CTNND1: variants seen among roughly 807,000 people sequenced by gnomAD.
CTNND1 encodes the protein catenin delta 1.
In CTNND1, 16 loss-of-function variants were observed where a neutral mutation model predicts 112.1. The observed-to-expected ratio is 0.14, with a 90% CI of 0.10 to 0.22. The LOEUF is 0.22. CTNND1 is among the 10% of genes least tolerant of loss of function. The probability of loss-of-function intolerance (pLI) is 1.00; values close to 1 mark genes in which losing one functional copy is unlikely to be tolerated. For synonymous variants in CTNND1, 420 were observed against 446.5 expected (o/e 0.94, Z 0.75); for missense variants, 1,008 against 1,257.0 (o/e 0.80, Z 3.00).
rs1465623626 is a variant in CTNND1, at chr11:57,791,473, A to G, written c.-6A>G. ...CTGCCCTGCGGCGGCTCCGCCCCTT[A>G]CCTTCATGGACGACTCAGAGGTGGA... On this transcript the variant is annotated 5_prime_UTR_variant, in exon 3 of 21. Transcript: ENST00000399050. 7 of 1,493,568 alleles carry G rather than the reference A, an allele frequency of 4.7e-6. No homozygotes were observed. The highest frequency in any genetic ancestry group is 6.3e-6 in the Non-Finnish European group (7 of 1,116,800). The allele number at this position is 1,493,568 out of a possible 1,614,324, so 92.5% of individuals were successfully genotyped here.
At chr11:57,811,341 C>T (rs2063333595) in intron 16 of CTNND1, 58 bp from the exon 17 acceptor site, 3 of 1,399,260 alleles carry the variant, frequency 2.1e-6, no homozygotes, top group African/African-American at 2.8e-5. Context: ...CCCATTAGAG[C>T]ATAAGATAGG....
chr11:57,815,665 C>A, intron 19 of CTNND1, 165 bp downstream of exon 19: 1 of 808,522 alleles, frequency 1.2e-6, no homozygotes. Flanking sequence ...TTTCTTGGGC[C>A]GTTATTCTGC....
Position 57,792,781 on chromosome 11 carries a change from G to C in CTNND1, c.195+1108G>C, listed in dbSNP as rs902787205. Reference sequence around the variant, plus strand: ...CTTGACCTCGTGATCCACCTGCCTCGGCCTCCCAAAGTACTGGGATTACGC... The same window carrying C: ...CTTGACCTCGTGATCCACCTGCCTCCGCCTCCCAAAGTACTGGGATTACGC... On this transcript the variant is annotated intron_variant, in intron 3 of 20. Transcript: ENST00000399050. Among the ~76,000 whole-genome samples, 4 of 151,574 alleles carry C rather than the reference G, an allele frequency of 2.6e-5. No individual in the cohort carries two copies. In the East Asian group the frequency reaches 7.8e-4, roughly 29 times the overall value.
At chr11:57,767,991 G>A (rs556163244) in intron 1 of CTNND1, among the ~76,000 whole-genome samples, 4 of 151,920 alleles carry the variant, frequency 2.6e-5, no homozygotes, top group South Asian at 2.1e-4. Context: ...CCGCCACCAC[G>A]CCCGGCTGAT....
intron 3 of CTNND1, among the ~76,000 whole-genome samples, chr11:57,792,438 CGCGCACTCGCGCATGTGTGTGTGT>C (rs2060855885): frequency 6.6e-6 from 1 of 152,162 alleles, no homozygotes; most frequent in Non-Finnish European, 1.5e-5. Flanking sequence ...CGTGTGTGCG[CGCGCACTCGCGCATGTGTGTGTGT>C]GGTAGACATT....
chr11:57,772,505 A>C (rs905593950), intron 1 of CTNND1, among the ~76,000 whole-genome samples: 2 of 152,058 alleles, frequency 1.3e-5, no homozygotes, highest in Non-Finnish European at 2.9e-5. Flanking sequence ...AGGTCACCAT[A>C]TCCGTATTTC....
intron 6 of CTNND1, among the ~76,000 whole-genome samples, chr11:57,799,684 G>A (rs772318578): frequency 2.0e-5 from 3 of 152,118 alleles, no homozygotes; most frequent in Non-Finnish European, 2.9e-5. Flanking sequence ...CACTGCCTTT[G>A]TATAGAAAAG....
intron 1 of CTNND1, among the ~76,000 whole-genome samples, chr11:57,768,495 G>A (rs1004070841): frequency 2.1e-5 from 3 of 142,376 alleles, no homozygotes; most frequent in African/African-American, 7.7e-5. Flanking sequence ...CCGGGTTCAC[G>A]CCATTCTCCT....
intron 12 of CTNND1, 52 bp downstream of exon 12, chr11:57,807,035 A>G: frequency 1.4e-6 from 2 of 1,385,794 alleles, no homozygotes; most frequent in South Asian, 2.5e-5. Context: ...TACAAAGATA[A>G]GATATTTAGT....
At chr11:57,814,611 C>T (rs1228167007) in intron 18 of CTNND1, among the ~76,000 whole-genome samples, 1 of 152,170 alleles carries the variant, frequency 6.6e-6, no homozygotes, top group African/African-American at 2.4e-5. Context: ...TCTCCTATTA[C>T]TACACATTCA....
chr11:57,798,087 G>A (rs1346643914), intron 6 of CTNND1, among the ~76,000 whole-genome samples: 1 of 151,976 alleles, frequency 6.6e-6, no homozygotes, highest in East Asian at 1.9e-4. Context: ...GGTGTCTCAC[G>A]CTTGTAATCC....
chr11:57,807,349 C>T (rs1591628292), intron 12 of CTNND1, among the ~76,000 whole-genome samples: 1 of 151,996 alleles, frequency 6.6e-6, no homozygotes, highest in South Asian at 2.1e-4. Context: ...CTCATGCCTG[C>T]AATCCCAGCA....
rs200943999 is a variant in CTNND1, at chr11:57,806,462, T to G, written c.1878T>G (p.Asp626Glu). The G allele has an allele frequency of 1.1e-4, 173 of 1,603,218 alleles. 1 individual carries two copies. Among genetic ancestry groups the G allele is most frequent in the South Asian group, 4.1e-4 (36 of 88,856 alleles). Residue 626 changes from aspartate (D) to glutamate (E), a missense_variant and splice_region_variant, in exon 11 of 21, where the codon GAT becomes GAG. Physicochemically the swap from Asp to Glu is conservative, Grantham distance 45 (BLOSUM62 2). Around this residue, in one of 5 missense-constraint regions of CTNND1, gnomAD observed 254 missense variants for 279.5 expected, o/e 0.91. Coordinates refer to ENST00000399050, the MANE Select transcript of CTNND1 (RefSeq NM_001085458.2). The stretch of plus-strand genomic sequence containing the variant: ...CTACCTTGGGTGATGCACTGGAAGA[T>G]GAGTGGTTCTCCAGAGGTGAGTGGA... ...ASCFGAKKGK[D>E]EWFSRGKKPI... is the part of the protein sequence containing the mutation.
intron 1 of CTNND1, among the ~76,000 whole-genome samples, chr11:57,776,916 G>C (rs1487399010): frequency 6.6e-6 from 1 of 152,024 alleles, no homozygotes; most frequent in African/African-American, 2.4e-5. Context: ...TGGTATCTCA[G>C]AAAACTCTCC....
intron 7 of CTNND1, among the ~76,000 whole-genome samples, chr11:57,802,756 G>A (rs79344679): frequency 0.026 from 3,914 of 152,258 alleles, 76 homozygotes; most frequent in Non-Finnish European, 0.036. Context: ...TGTGTGATCC[G>A]TTAGTGAATA....
rs2060438991 is a variant in CTNND1, at chr11:57,789,222, C to A, written c.-95+67C>A. 4.5e-6 allele frequency: 5 copies of A among 1,120,192 alleles called. No homozygotes were observed. In the African/African-American group the frequency reaches 6.4e-5, roughly 14 times the overall value. 69.4% of individuals were successfully genotyped at this position (1,120,192 alleles called of 1,614,324 possible). On this transcript the variant is annotated intron_variant, in intron 2 of 20. Transcript: ENST00000399050. ...TTTTTAAGAAATATGTATTTTTATT[C>A]CTTTCATGTCATAGCAGAAAAAAAT...
intron 9 of CTNND1, 97 bp downstream of exon 9, chr11:57,804,877 T>A: frequency 2.4e-6 from 2 of 844,206 alleles, no homozygotes; most frequent in South Asian, 1.6e-5. Flanking sequence ...GGCTTTCAAG[T>A]AACATTAAAT....
At chr11:57,781,640 G>T (rs2059594469) in intron 1 of CTNND1, 1 of 152,248 alleles carries the variant, frequency 6.6e-6, no homozygotes, top group African/African-American at 2.4e-5. Context: ...GTTGCACAGG[G>T]ATCCAGGTAA....
chr11:57,801,566 A>G (rs976221468), intron 6 of CTNND1, among the ~76,000 whole-genome samples, 167 bp from the exon 7 acceptor site: 1 of 152,234 alleles, frequency 6.6e-6, no homozygotes, highest in Non-Finnish European at 1.5e-5. Context: ...TATTTTTACT[A>G]ACCCATTGAG....
Sources: allele counts gnomAD v4.1 joint callset (sites outside exome capture counted in the v4.1 genomes callset), GRCh38; gene constraint gnomAD v4.1.1; regional missense constraint gnomAD v4.1.1; transcripts MANE v1.5; gene names NCBI Gene and HGNC (gene_info 2026-07-23, HGNC 2026-07-21).